Variants in AUTS2 observed in about 807,000 individuals in gnomAD.
AUTS2 encodes activator of transcription and developmental regulator AUTS2.
Under a neutral mutation model 112.4 loss-of-function variants are expected in AUTS2, and 17 were observed. The ratio of observed to expected loss-of-function variants is 0.15; its 90% CI spans 0.10 to 0.23. The LOEUF is 0.23. Ranked by LOEUF, AUTS2 falls within the 10% of genes least tolerant of loss-of-function variation. The pLI, the probability that AUTS2 is intolerant of heterozygous loss-of-function variation, is 1.00. For missense variants in AUTS2, 1,510 were observed against 1,701.6 expected (o/e 0.89, Z 1.98); for synonymous variants, 751 against 702.7 (o/e 1.07, Z -1.09).
chr7:70,557,882 G>C lies in AUTS2; in HGVS notation c.690+122101G>C, dbSNP rs114042365. On this transcript the variant is annotated intron_variant, in intron 5 of 18. Coordinates refer to ENST00000342771, the MANE Select transcript of AUTS2 (RefSeq NM_015570.4). ...AGCCCTTCCAGAGCTGGAGCAGGGG[G>C]TCTGTGCAGGGCTCACAGGAGAGCA... Among the ~76,000 whole-genome samples the C allele has an allele frequency of 9.1e-3, 1,386 of 152,304 alleles. 20 individuals carry two copies. Among genetic ancestry groups the C allele is most frequent in the African/African-American group, 0.032 (1,331 of 41,570 alleles).
intron 4 of AUTS2, among the ~76,000 whole-genome samples, chr7:70,306,825 C>G (rs1272720585): frequency 1.3e-5 from 2 of 152,186 alleles, no homozygotes; most frequent in African/African-American, 4.8e-5. Context: ...AAGAAATCTG[C>G]AAACCTTGGC....
chr7:70,245,165 TATATAAAAA>T (rs1316665813), intron 4 of AUTS2, among the ~76,000 whole-genome samples: 2 of 138,636 alleles, frequency 1.4e-5, no homozygotes, highest in Admixed American at 7.3e-5. Flanking sequence ...TATATATATA[TATATAAAAA>T]ATAAAAAATA....
chr7:70,587,038 C>G (rs1266951254), intron 5 of AUTS2, among the ~76,000 whole-genome samples: 1 of 152,116 alleles, frequency 6.6e-6, no homozygotes, highest in Non-Finnish European at 1.5e-5. Flanking sequence ...TAAAATTGCT[C>G]CAGAATGGGA....
At chr7:70,111,098 C>G (rs1805064316) in intron 2 of AUTS2, among the ~76,000 whole-genome samples, 1 of 151,574 alleles carries the variant, frequency 6.6e-6, no homozygotes, top group Non-Finnish European at 1.5e-5. Flanking sequence ...CCAGGATGGT[C>G]TTGATCTCCT....
At chr7:69,894,527 C>T (rs189799758) in intron 1 of AUTS2, among the ~76,000 whole-genome samples, 5 of 151,806 alleles carry the variant, frequency 3.3e-5, no homozygotes, top group Non-Finnish European at 4.4e-5. Context: ...ACAGAGTGGC[C>T]GTTGTGGAAA....
intron 4 of AUTS2, among the ~76,000 whole-genome samples, chr7:70,305,135 A>T (rs1382878778): frequency 6.6e-6 from 1 of 151,864 alleles, no homozygotes; most frequent in Non-Finnish European, 1.5e-5. Context: ...TACCTAACCC[A>T]TTTTTATATA....
chr7:70,711,475 C>T (rs1810046335), intron 6 of AUTS2, among the ~76,000 whole-genome samples: 1 of 152,192 alleles, frequency 6.6e-6, no homozygotes, highest in Non-Finnish European at 1.5e-5. Context: ...TCCACAATAC[C>T]TGCTCGACAT....
At chr7:70,349,941 T>C (rs1483929623) in intron 4 of AUTS2, among the ~76,000 whole-genome samples, 2 of 152,198 alleles carry the variant, frequency 1.3e-5, no homozygotes, top group Non-Finnish European at 2.9e-5. Flanking sequence ...TGAAATAGTA[T>C]CAAGAACTGG....
intron 4 of AUTS2, among the ~76,000 whole-genome samples, chr7:70,268,304 G>A (rs971199865): frequency 1.3e-5 from 2 of 152,210 alleles, no homozygotes; most frequent in Non-Finnish European, 2.9e-5. Flanking sequence ...CTAGGGAAGG[G>A]AGGAGGTGAG....
intron 2 of AUTS2, among the ~76,000 whole-genome samples, chr7:70,025,427 T>A (rs1014869234): frequency 2.6e-5 from 4 of 151,676 alleles, no homozygotes; most frequent in African/African-American, 9.7e-5. Flanking sequence ...ATGAAAAACA[T>A]ATCTACATAC....
chr7:70,644,527 G>T (rs781327362), intron 5 of AUTS2, among the ~76,000 whole-genome samples: 5 of 151,998 alleles, frequency 3.3e-5, no homozygotes. Context: ...ACATCGTCTC[G>T]CACCCAGACT....
At chr7:70,598,936 T>C (rs1803334598) in intron 5 of AUTS2, among the ~76,000 whole-genome samples, 1 of 152,150 alleles carries the variant, frequency 6.6e-6, no homozygotes, top group African/African-American at 2.4e-5. Flanking sequence ...TATCAAATGA[T>C]CCCACTTGGA....
At chr7:70,671,818 G>A (rs557970923) in intron 5 of AUTS2, among the ~76,000 whole-genome samples, 6 of 152,344 alleles carry the variant, frequency 3.9e-5, no homozygotes, top group South Asian at 2.1e-4. Flanking sequence ...ATGGTTTGGC[G>A]CAGAGCTCTG....
chr7:69,898,140 G>A (rs1350102183), intron 1 of AUTS2, among the ~76,000 whole-genome samples: 1 of 152,122 alleles, frequency 6.6e-6, no homozygotes, highest in Admixed American at 6.5e-5. Context: ...ATTACACATT[G>A]CATGCTTGTA....
At chr7:70,275,283 G>A (rs1268083801) in intron 4 of AUTS2, among the ~76,000 whole-genome samples, 1 of 152,134 alleles carries the variant, frequency 6.6e-6, no homozygotes, top group Non-Finnish European at 1.5e-5. Flanking sequence ...AAAACATTAT[G>A]CTGATTGAAA....
intron 2 of AUTS2, among the ~76,000 whole-genome samples, chr7:70,023,909 A>G (rs1266006256): frequency 2.0e-5 from 3 of 152,178 alleles, no homozygotes; most frequent in African/African-American, 7.2e-5. Context: ...GTCTTTATGC[A>G]TTACCTTAAG....
rs1366782991 is a variant in AUTS2, at chr7:70,081,966, G to A, written c.523-36166G>A. ...TGTGTGTGTGTGTGTGTGTGTGTGT[G>A]CGCGCGCCTGTGTGTGTGTTTAAAT... On this transcript the variant is annotated intron_variant, in intron 2 of 18. Coordinates refer to ENST00000342771, the MANE Select transcript of AUTS2 (RefSeq NM_015570.4). Among the ~76,000 whole-genome samples, 3 of 127,626 alleles carry A rather than the reference G, an allele frequency of 2.4e-5. No individual in the cohort carries two copies. The East Asian group carries it at 6.9e-4, about 29-fold the overall frequency. The allele number at this position is 127,626 out of a possible 152,430, so 83.7% of individuals were successfully genotyped here.
chr7:70,790,031 G>A lies in AUTS2; in HGVS notation c.2815G>A (p.Val939Met). ...CGAAGAGGCCAAGCAGCTGGCCCGGGTGCCGTCTCCCTACGTGCGGACCCC... is the reference window on the plus strand; with the variant it reads ...CGAAGAGGCCAAGCAGCTGGCCCGGATGCCGTCTCCCTACGTGCGGACCCC... ...AGEEAKQLARVPSPYVRTPVV... is the reference protein window; with the variant it reads ...AGEEAKQLARMPSPYVRTPVV... Residue 939 changes from valine to methionine, a missense_variant, in exon 19 of 19, where the codon GTG (valine) becomes ATG (methionine). By Grantham distance (21) the Val-to-Met change is conservative. Transcript: ENST00000342771. The surrounding 1 kb of genome is among the most constrained non-coding windows in gnomAD (Gnocchi z 7.6). 6.3e-7 allele frequency: 1 copy of A among 1,586,612 alleles called. No individual in the cohort carries two copies. Among genetic ancestry groups the A allele is most frequent in the Non-Finnish European group, 8.6e-7 (1 of 1,167,334 alleles).
chr7:70,655,714 C>T (rs1306500748), intron 5 of AUTS2, among the ~76,000 whole-genome samples: 2 of 152,196 alleles, frequency 1.3e-5, no homozygotes, highest in Non-Finnish European at 2.9e-5. Context: ...CCAATCACTA[C>T]CTTCCCTGGC....
Sources: allele counts gnomAD v4.1 joint callset (sites outside exome capture counted in the v4.1 genomes callset), GRCh38; gene constraint gnomAD v4.1.1; non-coding constraint Gnocchi (gnomAD v3.1); transcripts MANE v1.5; gene names NCBI Gene and HGNC (gene_info 2026-07-23, HGNC 2026-07-21).